The following PPARGC1A variants were observed in gnomAD, a reference collection of about 807,000 sequenced individuals.
The protein encoded by PPARGC1A is PPARG coactivator 1 alpha.
Under a neutral mutation model 88.7 loss-of-function variants are expected in PPARGC1A, and 25 were observed. The observed-to-expected ratio is 0.28, with a 90% CI of 0.21 to 0.39. PPARGC1A has a LOEUF of 0.39. Ranked by LOEUF, PPARGC1A falls within the 10% of genes least tolerant of loss-of-function variation. The pLI, the probability that PPARGC1A is intolerant of heterozygous loss-of-function variation, is 1.00. For synonymous variants in PPARGC1A, 363 were observed against 355.6 expected (o/e 1.02, Z -0.24); for missense variants, 880 against 968.7 (o/e 0.91, Z 1.22).
At chr4:24,018,507 A>G in the PPARGC1A span, among the ~76,000 whole-genome samples, 2 of 152,098 alleles carry the variant, frequency 1.3e-5, no homozygotes, top group Non-Finnish European at 2.9e-5. Context: ...GGGGGGGCAA[A>G]CCATGCCTCA....
the PPARGC1A span, among the ~76,000 whole-genome samples, chr4:24,023,995 G>T: frequency 6.6e-6 from 1 of 152,302 alleles, no homozygotes; most frequent in South Asian, 2.1e-4. Context: ...GTCCTGGGCT[G>T]TCCATACTGC....
chr4:24,310,241 G>A, the PPARGC1A span, among the ~76,000 whole-genome samples: 113 of 152,228 alleles, frequency 7.4e-4, 2 homozygotes, highest in African/African-American at 2.6e-3. Flanking sequence ...TTAAAACATG[G>A]GGTTAAAGAG....
At chr4:24,144,483 T>C in the PPARGC1A span, among the ~76,000 whole-genome samples, 2 of 136,224 alleles carry the variant, frequency 1.5e-5, no homozygotes, top group East Asian at 4.3e-4. Flanking sequence ...GTGGGAGTTA[T>C]CCAGTGGCTT....
chr4:24,274,883 C>T, the PPARGC1A span, among the ~76,000 whole-genome samples: 1 of 152,158 alleles, frequency 6.6e-6, no homozygotes, highest in Non-Finnish European at 1.5e-5. Context: ...GTTATACCCT[C>T]CTTGCTAATG....
At chr4:24,410,451 C>T in the PPARGC1A span, among the ~76,000 whole-genome samples, 3 of 152,078 alleles carry the variant, frequency 2.0e-5, no homozygotes, top group Non-Finnish European at 4.4e-5. Context: ...AAAGAGTGCC[C>T]GCAGACTCCT....
chr4:24,387,870 A>AGAAAG, the PPARGC1A span, among the ~76,000 whole-genome samples: 2 of 79,412 alleles, frequency 2.5e-5, no homozygotes, highest in Non-Finnish European at 5.7e-5. Context: ...GAGAGAAAGG[A>AGAAAG]AGAAAGAGAA....
chr4:24,451,736 C>G, the PPARGC1A span, among the ~76,000 whole-genome samples: 1 of 152,170 alleles, frequency 6.6e-6, no homozygotes, highest in Admixed American at 6.5e-5. Flanking sequence ...CGCCACCACA[C>G]CCAACTAATT....
At chr4:23,957,001 C>T in the PPARGC1A span, among the ~76,000 whole-genome samples, 200 of 152,158 alleles carry the variant, frequency 1.3e-3, no homozygotes, top group Non-Finnish European at 2.0e-3. Context: ...TTACAGTGCT[C>T]GTAACTGGTG....
chr4:23,952,828 G>C, the PPARGC1A span, among the ~76,000 whole-genome samples: 1 of 151,896 alleles, frequency 6.6e-6, no homozygotes, highest in Non-Finnish European at 1.5e-5. Flanking sequence ...CCTCTACGTG[G>C]CTATTTGTTC....
chr4:24,322,842 A>G, the PPARGC1A span, among the ~76,000 whole-genome samples: 1 of 152,192 alleles, frequency 6.6e-6, no homozygotes, highest in Non-Finnish European at 1.5e-5. Flanking sequence ...ATCCACAATG[A>G]TTGGCTGCAC....
the PPARGC1A span, among the ~76,000 whole-genome samples, chr4:23,986,128 C>T: frequency 5.9e-5 from 9 of 152,016 alleles, no homozygotes; most frequent in Non-Finnish European, 1.0e-4. Flanking sequence ...GTATTAAAGA[C>T]TCCCTCAGTG....
the PPARGC1A span, among the ~76,000 whole-genome samples, chr4:24,044,441 C>T: frequency 2.8e-5 from 4 of 143,038 alleles, no homozygotes; most frequent in East Asian, 8.0e-4. Context: ...AAAATCATGG[C>T]GGATTCACGG....
chr4:24,341,744 A>G, the PPARGC1A span, among the ~76,000 whole-genome samples: 1 of 152,192 alleles, frequency 6.6e-6, no homozygotes, highest in Non-Finnish European at 1.5e-5. Flanking sequence ...GATGAGAAAG[A>G]GCTTAACATG....
At chr4:23,997,356 T>TA in the PPARGC1A span, among the ~76,000 whole-genome samples, 11 of 152,258 alleles carry the variant, frequency 7.2e-5, 1 homozygote, top group East Asian at 9.6e-4. Context: ...TCCTTTTTTT[T>TA]ATCTAAGGTT....
chr4:23,909,121 A>T, the PPARGC1A span, among the ~76,000 whole-genome samples: 10 of 152,262 alleles, frequency 6.6e-5, no homozygotes, highest in East Asian at 1.9e-3. Flanking sequence ...AGATCTAATT[A>T]ATCTCCGAAA....
the PPARGC1A span, among the ~76,000 whole-genome samples, chr4:24,025,341 T>A: frequency 6.6e-6 from 1 of 152,166 alleles, no homozygotes; most frequent in South Asian, 2.1e-4. Context: ...TACACTTGAA[T>A]ACACACCATC....
chr4:23,944,909 T>A, the PPARGC1A span, among the ~76,000 whole-genome samples: 42 of 152,332 alleles, frequency 2.8e-4, no homozygotes, highest in Middle Eastern at 3.4e-3. Flanking sequence ...GTCTCAGGTA[T>A]GTCTTTATTA....
the PPARGC1A span, among the ~76,000 whole-genome samples, chr4:24,092,990 T>C: frequency 2.6e-5 from 4 of 152,186 alleles, no homozygotes; most frequent in African/African-American, 9.6e-5. Flanking sequence ...ATTGCCACAA[T>C]ATCAACCATA....
In PPARGC1A at chr4:23,814,069, C is replaced by A. The variant is rs755845144; in HGVS notation, c.1414G>T (p.Ala472Ser). ...TTGTCTGCTTCGTCGTCAAAAACAG[C>A]TTGACTGGGATGACCGAAGTGCTTG... The part of the protein sequence containing the change: ...LNKHFGHPSQ[A>S]VFDDEADKTG... Residue 472 changes from alanine (A) to serine (S), a missense_variant, in exon 8 of 13, where the codon GCT becomes TCT. Physicochemically the swap from Ala to Ser is moderately conservative, Grantham distance 99. Transcript: ENST00000264867. 6.2e-7 allele frequency: 1 copy of A among 1,614,020 alleles called. No homozygotes were observed. Among genetic ancestry groups the A allele is most frequent in the Non-Finnish European group, 8.5e-7 (1 of 1,179,960 alleles).
Sources: allele counts gnomAD v4.1 joint callset (sites outside exome capture counted in the v4.1 genomes callset), GRCh38; gene constraint gnomAD v4.1.1; transcripts MANE v1.5; gene names NCBI Gene and HGNC (gene_info 2026-07-23, HGNC 2026-07-21).